Variants in ZNF75D observed in about 807,000 individuals in gnomAD.
ZNF75D encodes the protein zinc finger protein 75D.
In ZNF75D, 33 loss-of-function variants were observed where a neutral mutation model predicts 33.3. That is an observed-to-expected ratio of 0.99 (90% CI 0.75 to 1.32). ZNF75D has a LOEUF of 1.32. Among genes scored for constraint, ZNF75D ranks in the 40% most tolerant of loss-of-function variants. The pLI, the probability that ZNF75D is intolerant of heterozygous loss-of-function variation, is 0.00. For missense variants in ZNF75D, 338 were observed against 367.5 expected, an observed-to-expected ratio of 0.92 and a Z score of 0.66; for synonymous variants, 113 against 130.6, an observed-to-expected ratio of 0.87 and a Z score of 0.92.
chrX:135,270,017 C>T (rs1159987876), intron 1 of ZNF75D, among the ~76,000 whole-genome samples: 2 of 109,951 alleles, frequency 1.8e-5, no homozygotes, highest in Non-Finnish European at 3.8e-5. Context: ...CACATGTTCT[C>T]ATTTATGTAT....
chrX:135,296,368 T>C (rs1385634298), intron 1 of ZNF75D, among the ~76,000 whole-genome samples: 3 of 111,961 alleles, frequency 2.7e-5, no homozygotes, highest in Non-Finnish European at 5.6e-5. Context: ...ATCCAGATTG[T>C]TCCTGCTGGC....
intron 1 of ZNF75D, among the ~76,000 whole-genome samples, chrX:135,333,106 C>T (rs2084670263): frequency 1.8e-5 from 2 of 108,765 alleles, no homozygotes; most frequent in Admixed American, 2.0e-4. Flanking sequence ...GAGAGAGAGG[C>T]AGAGAGAGAG....
chrX:135,305,876 G>C (rs955635500), intron 1 of ZNF75D, among the ~76,000 whole-genome samples: 1 of 111,503 alleles, frequency 9.0e-6, no homozygotes, highest in Non-Finnish European at 1.9e-5. Flanking sequence ...GTGAACAAAA[G>C]GCACATCCAA....
At position 135,294,103 on chromosome X, in the gene ZNF75D, C is replaced by A. The variant is rs1556422128; in HGVS notation, c.38G>T (p.Ser13Ile). Residue 13 changes from serine (S) to isoleucine (I), a missense_variant, in exon 3 of 7, where the codon AGC becomes ATC. Ser to Ile is a moderately radical substitution (Grantham distance 142). Coordinates refer to ENST00000370766, the MANE Select transcript of ZNF75D (RefSeq NM_007131.5). ...CTCCCACATAGCCCCCATCTGGGGGCTTGAGCATGAATCCGCGTTCAGCTC... is the reference window on the plus strand; with the variant it reads ...CTCCCACATAGCCCCCATCTGGGGGATTGAGCATGAATCCGCGTTCAGCTC... The part of the protein sequence containing the change: ...MRELNADSCS[S>I]PQMGAMWETS... The A allele has an allele frequency of 8.3e-7, 1 of 1,203,400 alleles. No homozygotes were observed. Among genetic ancestry groups the A allele is most frequent in the Admixed American group, 2.2e-5 (1 of 44,485 alleles).
At chrX:135,325,990 G>A (rs955730500) in intron 1 of ZNF75D, among the ~76,000 whole-genome samples, 92 of 110,392 alleles carry the variant, frequency 8.3e-4, no homozygotes, top group Middle Eastern at 4.7e-3. Context: ...AGCACCCTGT[G>A]TCTAGCTCAG....
At chrX:135,263,344 C>T (rs1266869359) in intron 1 of ZNF75D, among the ~76,000 whole-genome samples, 1 of 112,770 alleles carries the variant, frequency 8.9e-6, no homozygotes, top group Non-Finnish European at 1.9e-5. Flanking sequence ...CACTGCTCTC[C>T]TCAGAGCTGT....
At chrX:135,278,183 T>C (rs1556417913) in intron 1 of ZNF75D, among the ~76,000 whole-genome samples, 1 of 111,670 alleles carries the variant, frequency 9.0e-6, no homozygotes, top group Non-Finnish European at 1.9e-5. Context: ...TGGTTTCTAG[T>C]TCTCCTTGAA....
chrX:135,323,883 C>T (rs1286267506), intron 1 of ZNF75D, among the ~76,000 whole-genome samples: 2 of 111,010 alleles, frequency 1.8e-5, no homozygotes, highest in Non-Finnish European at 3.8e-5. Context: ...TGCATCCTTT[C>T]AGTCAGCAGC....
At chrX:135,280,883 G>C (rs193026777), downstream of ZNF75D, among the ~76,000 whole-genome samples, 2 of 112,081 alleles carry the variant, frequency 1.8e-5, no homozygotes, top group East Asian at 5.6e-4. Flanking sequence ...GCTTCCCTTT[G>C]TGGGTAGTCC....
chrX:135,294,915 G>T (rs1163029054), intron 2 of ZNF75D, among the ~76,000 whole-genome samples: 2 of 111,805 alleles, frequency 1.8e-5, no homozygotes, highest in Non-Finnish European at 3.8e-5. Flanking sequence ...TTCTTCGAAA[G>T]ACTTATAAAG....
intron 6 of ZNF75D, 93 bp from the exon 7 acceptor site, chrX:135,287,939 G>A (rs2083981398): frequency 5.8e-6 from 4 of 691,997 alleles, no homozygotes; most frequent in East Asian, 6.7e-5. Context: ...TGCTTTAAAA[G>A]AAATACAGGA....
chrX:135,257,884 C>T (rs1349498384), intron 1 of ZNF75D, among the ~76,000 whole-genome samples: 2 of 110,488 alleles, frequency 1.8e-5, no homozygotes, highest in African/African-American at 6.6e-5. Flanking sequence ...TGGTTTTATA[C>T]ATGTGCCATG....
At chrX:135,325,671 C>T (rs1487365209) in intron 1 of ZNF75D, among the ~76,000 whole-genome samples, 2 of 112,964 alleles carry the variant, frequency 1.8e-5, no homozygotes, top group Admixed American at 9.2e-5. Context: ...ATTTCTCACC[C>T]GGCCTTAGCT....
downstream of ZNF75D, among the ~76,000 whole-genome samples, chrX:135,281,100 T>C (rs1244554572): frequency 9.0e-6 from 1 of 111,471 alleles, no homozygotes; most frequent in Non-Finnish European, 1.9e-5. Context: ...CTTGGTTCCA[T>C]TCTCCTTGTC....
At chrX:135,270,392 T>TATATATATAC (rs1211997989) in intron 1 of ZNF75D, among the ~76,000 whole-genome samples, 4 of 85,153 alleles carry the variant, frequency 4.7e-5, no homozygotes, top group Non-Finnish European at 6.9e-5. Flanking sequence ...TATATATATA[T>TATATATATAC]ACACATATTT....
chrX:135,325,162 G>A (rs1053069485), intron 1 of ZNF75D, among the ~76,000 whole-genome samples: 1 of 109,129 alleles, frequency 9.2e-6, no homozygotes, highest in Admixed American at 9.4e-5. Flanking sequence ...GCTAAGGGAG[G>A]AGGATTAAAT....
At chrX:135,258,340 T>C (rs2083819180) in intron 1 of ZNF75D, among the ~76,000 whole-genome samples, 1 of 110,507 alleles carries the variant, frequency 9.0e-6, no homozygotes. Context: ...CAAATGGTAA[T>C]TCTAGTTCTA....
intron 1 of ZNF75D, among the ~76,000 whole-genome samples, chrX:135,314,161 T>G (rs1052699086): frequency 5.4e-5 from 6 of 112,014 alleles, no homozygotes; most frequent in African/African-American, 1.9e-4. Flanking sequence ...TGAGATATGC[T>G]CCCTCCATGC....
intron 1 of ZNF75D, among the ~76,000 whole-genome samples, chrX:135,313,913 T>C (rs1336601845): frequency 1.2e-4 from 13 of 112,004 alleles, no homozygotes; most frequent in Admixed American, 1.1e-3. Flanking sequence ...TTTTTCTAAA[T>C]ATAAGATCAT....
Sources: allele counts gnomAD v4.1 joint callset (sites outside exome capture counted in the v4.1 genomes callset), GRCh38; gene constraint gnomAD v4.1.1; transcripts MANE v1.5; gene names NCBI Gene and HGNC (gene_info 2026-07-23, HGNC 2026-07-21).